Variants in CHN2 observed in about 807,000 individuals in gnomAD.
CHN2 encodes the protein beta-chimaerin.
Under a neutral mutation model 56.3 loss-of-function variants are expected in CHN2, and 35 were observed. The observed-to-expected ratio is 0.62, with a 90% CI of 0.47 to 0.82. The LOEUF (loss-of-function observed/expected upper bound fraction) is 0.82. Ranked by LOEUF, CHN2 falls within the 40% of genes least tolerant of loss-of-function variation. The pLI is 0.00. For synonymous variants in CHN2, 210 were observed against 212.8 expected (o/e 0.99, Z 0.12); for missense variants, 491 against 580.5 (o/e 0.85, Z 1.58).
At chr7:29,310,819 C>G (rs952702075) in intron 1 of CHN2, among the ~76,000 whole-genome samples, 1 of 152,124 alleles carries the variant, frequency 6.6e-6, no homozygotes, top group African/African-American at 2.4e-5. Flanking sequence ...GGGGCTCCAC[C>G]CTCATGACCT....
chr7:29,278,210 C>T (rs1169423968), intron 1 of CHN2, among the ~76,000 whole-genome samples: 6 of 152,176 alleles, frequency 3.9e-5, no homozygotes, highest in Non-Finnish European at 5.9e-5. Context: ...TTAAAAAGTA[C>T]TTATGCCTGG....
At chr7:29,438,480 C>T (rs529670990) in intron 6 of CHN2, among the ~76,000 whole-genome samples, 1 of 152,252 alleles carries the variant, frequency 6.6e-6, no homozygotes, top group East Asian at 1.9e-4. Context: ...AATTTAACTA[C>T]CTTCTATGGT....
chr7:29,319,819 C>A (rs954956846), intron 1 of CHN2, among the ~76,000 whole-genome samples: 1 of 152,112 alleles, frequency 6.6e-6, no homozygotes, highest in African/African-American at 2.4e-5. Flanking sequence ...ACTCTGGAAC[C>A]GAGTGGCACC....
chr7:29,308,130 T>G (rs1009232826), intron 1 of CHN2, among the ~76,000 whole-genome samples: 4 of 152,162 alleles, frequency 2.6e-5, no homozygotes, highest in African/African-American at 9.7e-5. Flanking sequence ...AAACTCTAAT[T>G]GTTGTCTACA....
At chr7:29,368,351 T>C (rs10255508) in intron 3 of CHN2, among the ~76,000 whole-genome samples, 4,503 of 152,214 alleles carry the variant, frequency 0.03, 233 homozygotes, top group African/African-American at 0.1. Flanking sequence ...AATAATAAAC[T>C]TCTGGGTACT....
intron 1 of CHN2, among the ~76,000 whole-genome samples, chr7:29,253,528 A>G (rs936066573): frequency 1.3e-5 from 2 of 152,220 alleles, no homozygotes; most frequent in Non-Finnish European, 2.9e-5. Context: ...GTGAGGAAGC[A>G]GGGAATTATG....
chr7:29,424,801 G>T (rs1804688303), intron 6 of CHN2, among the ~76,000 whole-genome samples: 1 of 152,162 alleles, frequency 6.6e-6, no homozygotes, highest in Admixed American at 6.5e-5. Context: ...GATGGGGCAG[G>T]TGCTTTGCAG....
At chr7:29,270,827 C>T (rs538436524) in intron 1 of CHN2, among the ~76,000 whole-genome samples, 34 of 150,478 alleles carry the variant, frequency 2.3e-4, no homozygotes, top group African/African-American at 7.8e-4. Flanking sequence ...CAGGGGAAGG[C>T]GGGAGAAAGG....
intron 1 of CHN2, among the ~76,000 whole-genome samples, chr7:29,315,504 A>C (rs1794894874): frequency 6.6e-6 from 1 of 152,206 alleles, no homozygotes; most frequent in Non-Finnish European, 1.5e-5. Context: ...GGATCACCTT[A>C]AATTAAGCTC....
chr7:29,507,517 T>C, intron 11 of CHN2, 152 bp downstream of exon 11: 2 of 643,368 alleles, frequency 3.1e-6, no homozygotes, highest in South Asian at 2.0e-5. Flanking sequence ...TGACCAGGCA[T>C]AGTTCAACAG....
intron 1 of CHN2, among the ~76,000 whole-genome samples, chr7:29,349,678 A>T (rs1041639518): frequency 1.3e-5 from 2 of 152,224 alleles, no homozygotes; most frequent in Non-Finnish European, 2.9e-5. Context: ...CAAAAGGTTG[A>T]CGCATTTTTT....
At chr7:29,309,127 G>C (rs1411429779) in intron 1 of CHN2, among the ~76,000 whole-genome samples, 2 of 152,170 alleles carry the variant, frequency 1.3e-5, no homozygotes, top group African/African-American at 2.4e-5. Context: ...AGAATAAATA[G>C]GTCATAGTCT....
At chr7:29,472,214 C>G (rs573804009) in intron 6 of CHN2, among the ~76,000 whole-genome samples, 1 of 141,032 alleles carries the variant, frequency 7.1e-6, no homozygotes, top group Non-Finnish European at 1.6e-5. Flanking sequence ...TGGACATCAC[C>G]GCACCTCCTT....
At chr7:29,172,737 G>A (rs1796763991) in intron 2 of CHN2, among the ~76,000 whole-genome samples, 1 of 151,950 alleles carries the variant, frequency 6.6e-6, no homozygotes, top group Non-Finnish European at 1.5e-5. Flanking sequence ...AATGTTAATT[G>A]GGAAAGAAGT....
intron 1 of CHN2, among the ~76,000 whole-genome samples, chr7:29,280,325 A>G (rs888314332): frequency 2.0e-5 from 3 of 152,082 alleles, no homozygotes; most frequent in Non-Finnish European, 4.4e-5. Flanking sequence ...CAGAGGTTGC[A>G]GTGAGCTGAG....
chr7:29,274,966 A>G (rs971910163), intron 1 of CHN2, among the ~76,000 whole-genome samples: 3 of 152,124 alleles, frequency 2.0e-5, no homozygotes, highest in South Asian at 2.1e-4. Context: ...GGTGGTGACT[A>G]TGCCACCATA....
At chr7:29,360,581 AG>A (rs895011623) in intron 2 of CHN2, among the ~76,000 whole-genome samples, 1 of 152,198 alleles carries the variant, frequency 6.6e-6, no homozygotes, top group Non-Finnish European at 1.5e-5. Context: ...GGCAGGGTGG[AG>A]GGTGGGGTTG....
At chr7:29,282,684 T>C (rs1267425909) in intron 1 of CHN2, among the ~76,000 whole-genome samples, 5 of 152,236 alleles carry the variant, frequency 3.3e-5, no homozygotes, top group African/African-American at 9.6e-5. Context: ...GGAAAATAAA[T>C]TTGATACCTT....
intron 12 of CHN2, among the ~76,000 whole-genome samples, chr7:29,511,549 T>G (rs1490821902): frequency 1.3e-5 from 2 of 152,228 alleles, no homozygotes; most frequent in Non-Finnish European, 2.9e-5. Flanking sequence ...CTGTGGGCAC[T>G]TTGATGGTGA....
Sources: gnomAD v4.1 joint callset for allele counts (sites outside exome capture counted in the v4.1 genomes callset) on GRCh38, gnomAD v4.1.1 for gene constraint, MANE v1.5 for transcripts, NCBI Gene and HGNC (gene_info 2026-07-23, HGNC 2026-07-21) for gene names.